The following ATF3 variants were observed in gnomAD, a reference collection of about 807,000 sequenced individuals.
The protein encoded by ATF3 is cyclic AMP-dependent transcription factor ATF-3.
Under a neutral mutation model 18.4 loss-of-function variants are expected in ATF3, and 10 were observed. The observed-to-expected ratio is 0.54, with a 90% CI of 0.34 to 0.92. The LOEUF (loss-of-function observed/expected upper bound fraction) is 0.92, where lower values mean the gene tolerates loss of function less well. Ranked by LOEUF, ATF3 falls within the 40% of genes least tolerant of loss-of-function variation. The pLI, the probability that ATF3 is intolerant of heterozygous loss-of-function variation, is 0.02. For synonymous variants in ATF3, 78 were observed against 87.9 expected (o/e 0.89, Z 0.63); for missense variants, 183 against 222.3 (o/e 0.82, Z 1.12).
intron 1 of ATF3, among the ~76,000 whole-genome samples, chr1:212,585,377 G>A (rs1376445866): frequency 6.6e-6 from 1 of 152,142 alleles, no homozygotes; most frequent in East Asian, 1.9e-4. Context: ...CCTGCCTCAG[G>A]ACCTTGGCTG....
At chr1:212,583,641 A>G (rs1664725702) in intron 1 of ATF3, among the ~76,000 whole-genome samples, 1 of 152,124 alleles carries the variant, frequency 6.6e-6, no homozygotes, top group African/African-American at 2.4e-5. Context: ...AAGAAACACG[A>G]CCACTGTCGG....
intron 1 of ATF3, among the ~76,000 whole-genome samples, chr1:212,574,824 T>G (rs760686104): frequency 6.6e-6 from 1 of 152,138 alleles, no homozygotes; most frequent in Non-Finnish European, 1.5e-5. Flanking sequence ...AGGTTATTTA[T>G]GGGCTTTTGT....
At chr1:212,597,662 T>C (rs746321547) in intron 1 of ATF3, among the ~76,000 whole-genome samples, 1 of 152,224 alleles carries the variant, frequency 6.6e-6, no homozygotes, top group African/African-American at 2.4e-5. Flanking sequence ...CAGGAGGAAT[T>C]TGACCCTCAG....
chr1:212,572,394 G>GT (rs1486289142), intron 1 of ATF3, among the ~76,000 whole-genome samples: 1 of 144,164 alleles, frequency 6.9e-6, no homozygotes, highest in Non-Finnish European at 1.5e-5. Context: ...GCGCATGCCT[G>GT]TAATCCCAGC....
In ATF3 at chr1:212,619,796, G is replaced by A; in HGVS notation, c.*241G>A. 1 of 447,320 alleles carries A rather than the reference G, an allele frequency of 2.2e-6. No individual in the cohort carries two copies. The highest frequency in any genetic ancestry group is 4.1e-6 in the Non-Finnish European group (1 of 243,350). 27.7% of individuals were successfully genotyped at this position (447,320 alleles called of 1,614,324 possible). A position where few individuals can be genotyped will look rare whatever the true frequency, so the allele number is the denominator to read the frequency against. On this transcript the variant is annotated 3_prime_UTR_variant, in exon 4 of 4. Coordinates refer to ENST00000341491, the MANE Select transcript of ATF3 (RefSeq NM_001674.4). This position sits in a 1 kb window ranked among gnomAD's most constrained non-coding sequence, Gnocchi z 4.4. ...TCCAGGATTTAGGCCTTAACACACT[G>A]GCCATTCTTATGTTCCAGATGGCCC... is the stretch of plus-strand genomic sequence containing the variant.
At chr1:212,587,588 C>A (rs76985711) in intron 1 of ATF3, among the ~76,000 whole-genome samples, 396 of 152,268 alleles carry the variant, frequency 2.6e-3, no homozygotes, top group African/African-American at 9.0e-3. Context: ...CACGGAAATA[C>A]CCCAGAATAT....
At chr1:212,597,429 A>G (rs1654319781) in intron 1 of ATF3, among the ~76,000 whole-genome samples, 2 of 152,036 alleles carry the variant, frequency 1.3e-5, no homozygotes, top group South Asian at 2.1e-4. Flanking sequence ...TTATCTATCT[A>G]TCTATCTATC....
At chr1:212,609,560 G>T (rs895991386) in intron 1 of ATF3, among the ~76,000 whole-genome samples, 3 of 152,226 alleles carry the variant, frequency 2.0e-5, no homozygotes, top group African/African-American at 7.2e-5. Flanking sequence ...CCGAGAAAAA[G>T]TTAGCTGGGA....
At position 212,619,908 on chromosome 1, in the gene ATF3, C is replaced by G. The variant is rs531984348; in HGVS notation, c.*353C>G. 4 of 304,140 alleles carry G rather than the reference C, an allele frequency of 1.3e-5. No homozygotes were observed. The highest frequency in any genetic ancestry group is 2.2e-5 in the African/African-American group (1 of 46,224). The allele number at this position is 304,140 out of a possible 1,614,324, so 18.8% of individuals were successfully genotyped here. A position where few individuals can be genotyped will look rare whatever the true frequency, so the allele number is the denominator to read the frequency against. On this transcript the variant is annotated 3_prime_UTR_variant, in exon 4 of 4. Coordinates refer to ENST00000341491, the MANE Select transcript of ATF3 (RefSeq NM_001674.4). This position sits in a 1 kb window ranked among gnomAD's most constrained non-coding sequence, Gnocchi z 4.4. ...AGGATTCAGGCAGCAGTGTCTGTAC[C>G]TCGGGTGGGAGGGATGGGGCCATCT...
chr1:212,566,469 G>C (rs1422462076), intron 1 of ATF3, among the ~76,000 whole-genome samples: 2 of 152,166 alleles, frequency 1.3e-5, no homozygotes, highest in Admixed American at 6.5e-5. Context: ...CCTTTTCAGA[G>C]GCACAATGTG....
intron 1 of ATF3, among the ~76,000 whole-genome samples, chr1:212,595,128 A>G (rs1664965722): frequency 6.6e-6 from 1 of 152,234 alleles, no homozygotes; most frequent in Admixed American, 6.5e-5. Flanking sequence ...ACCCACTCCC[A>G]AGGAGTTCAT....
intron 1 of ATF3, among the ~76,000 whole-genome samples, chr1:212,600,394 C>T (rs1392989042): frequency 6.6e-6 from 1 of 152,252 alleles, no homozygotes; most frequent in African/African-American, 2.4e-5. Context: ...CACAAATACT[C>T]CTGCTCAGCA....
chr1:212,585,126 T>C (rs1255497825), intron 1 of ATF3, among the ~76,000 whole-genome samples: 2 of 152,174 alleles, frequency 1.3e-5, no homozygotes, highest in Non-Finnish European at 1.5e-5. Context: ...GAGAAGTGCC[T>C]GAATAGTGAG....
intron 1 of ATF3, among the ~76,000 whole-genome samples, chr1:212,566,922 AC>A (rs1299075166): frequency 6.6e-6 from 1 of 152,108 alleles, no homozygotes; most frequent in African/African-American, 2.4e-5. Flanking sequence ...GACCAGAGTG[AC>A]CTGTCTCGAG....
At chr1:212,600,566 A>G (rs1017534510) in intron 1 of ATF3, among the ~76,000 whole-genome samples, 1 of 152,228 alleles carries the variant, frequency 6.6e-6, no homozygotes, top group Non-Finnish European at 1.5e-5. Context: ...TGGCACTCAC[A>G]GCCTCTTCAT....
intron 1 of ATF3, among the ~76,000 whole-genome samples, chr1:212,602,293 C>T (rs1654505374): frequency 1.3e-5 from 2 of 152,140 alleles, no homozygotes; most frequent in East Asian, 1.9e-4. Context: ...CAGCTTTTTT[C>T]ACCTTGGCCC....
chr1:212,570,441 A>G (rs1664460475), intron 1 of ATF3, among the ~76,000 whole-genome samples: 1 of 152,262 alleles, frequency 6.6e-6, no homozygotes, highest in Admixed American at 6.5e-5. Flanking sequence ...CTAGCAAGAT[A>G]TAAAACTCAA....
intron 1 of ATF3, among the ~76,000 whole-genome samples, chr1:212,582,239 C>G (rs1044062381): frequency 1.3e-5 from 2 of 152,146 alleles, no homozygotes; most frequent in African/African-American, 2.4e-5. Context: ...ATCTGGCAAC[C>G]CTTCCCACCT....
chr1:212,590,076 G>A (rs1664853255), intron 1 of ATF3, among the ~76,000 whole-genome samples: 1 of 152,068 alleles, frequency 6.6e-6, no homozygotes, highest in Admixed American at 6.5e-5. Flanking sequence ...TATGTTAAAT[G>A]TTGCCCTTTG....
Sources: gnomAD v4.1 joint callset for allele counts (sites outside exome capture counted in the v4.1 genomes callset) on GRCh38, gnomAD v4.1.1 for gene constraint, Gnocchi (gnomAD v3.1) non-coding constraint, MANE v1.5 for transcripts, NCBI Gene and HGNC (gene_info 2026-07-23, HGNC 2026-07-21) for gene names.